TMED3: variants seen among roughly 807,000 people sequenced by gnomAD.
TMED3 encodes the protein transmembrane emp24 domain-containing protein 3.
A neutral mutation model predicts 15.0 loss-of-function variants in TMED3; 9 were observed. The ratio of observed to expected loss-of-function variants is 0.60; its 90% CI spans 0.36 to 1.04. The LOEUF (loss-of-function observed/expected upper bound fraction) is 1.04, where lower values mean the gene tolerates loss of function less well. Ranked by LOEUF, TMED3 falls within the 50% of genes least tolerant of loss-of-function variation. The pLI is 0.01. For synonymous variants in TMED3, 117 were observed against 121.4 expected (o/e 0.96, Z 0.24); for missense variants, 267 against 278.9 (o/e 0.96, Z 0.30).
chr15:79,337,982 C>A (rs978116364), intron 2 of TMED3, among the ~76,000 whole-genome samples: 1 of 152,050 alleles, frequency 6.6e-6, no homozygotes, highest in African/African-American at 2.4e-5. Context: ...TAAAATAGCT[C>A]CCAATAAAGC....
At position 79,378,249 on chromosome 15, in the gene TMED3, A is replaced by G. The variant is rs1429894661; in HGVS notation, c.418-33151A>G. Among the ~76,000 whole-genome samples the G allele has an allele frequency of 2.0e-5, 3 of 152,214 alleles. No homozygotes were observed. In the South Asian group the frequency reaches 6.2e-4, roughly 32 times the overall value. On this transcript the variant is annotated intron_variant, in intron 2 of 2. Coordinates refer to the TMED3 transcript ENST00000424155. ...CAACAGAGATGTATTATAAATATTG[A>G]TAAGTCATTATTGAGTATTGTGTTA...
chr15:79,377,644 CTTT>C (rs71150905), intron 2 of TMED3, among the ~76,000 whole-genome samples: 3,025 of 123,418 alleles, frequency 0.025, 57 homozygotes, highest in African/African-American at 0.089. Flanking sequence ...ACAAACCGTT[CTTT>C]TTTTTTTTTT....
chr15:79,315,473 G>T (rs2058736700), intron 2 of TMED3, among the ~76,000 whole-genome samples: 1 of 152,160 alleles, frequency 6.6e-6, no homozygotes, highest in Non-Finnish European at 1.5e-5. Context: ...TGAGAGTTCT[G>T]TTGGCCACTG....
intron 2 of TMED3, among the ~76,000 whole-genome samples, chr15:79,380,510 T>C (rs930921501): frequency 1.4e-5 from 2 of 147,218 alleles, no homozygotes; most frequent in African/African-American, 2.5e-5. Flanking sequence ...TAGTTATATA[T>C]ATAGTTATAT....
chr15:79,383,361 T>C (rs1893570154), intron 2 of TMED3: 1 of 248,004 alleles, frequency 4.0e-6, no homozygotes, highest in Non-Finnish European at 7.7e-6. Flanking sequence ...TCTGAAAGTT[T>C]GGAAGGTCCC....
intron 2 of TMED3, among the ~76,000 whole-genome samples, chr15:79,337,087 T>G (rs1019400247): frequency 1.3e-5 from 2 of 152,222 alleles, no homozygotes; most frequent in Non-Finnish European, 2.9e-5. Flanking sequence ...AGTTGCAAAG[T>G]GTCATAGTCC....
chr15:79,317,720 C>G (rs1460851890), intron 2 of TMED3, among the ~76,000 whole-genome samples: 1 of 152,184 alleles, frequency 6.6e-6, no homozygotes. Flanking sequence ...CAAGAATGAT[C>G]CACTTTGTTA....
intron 2 of TMED3, among the ~76,000 whole-genome samples, chr15:79,328,294 T>A (rs2058794635): frequency 6.6e-6 from 1 of 152,196 alleles, no homozygotes; most frequent in Non-Finnish European, 1.5e-5. Context: ...CTCGTATCAC[T>A]TGCCTTCGAA....
chr15:79,314,056 C>T lies in TMED3; in HGVS notation c.417+51C>T, dbSNP rs541861215. On this transcript the variant is annotated intron_variant, in intron 2 of 2. Transcript: ENST00000299705. ...CTGCTGAACCCCCTAGCGTGTTCCTCTTCATTGGCCTCTGTCTAGGCTGGT... is the reference window on the plus strand; with the variant it reads ...CTGCTGAACCCCCTAGCGTGTTCCTTTTCATTGGCCTCTGTCTAGGCTGGT... 38 of 1,596,838 alleles carry T rather than the reference C, an allele frequency of 2.4e-5. 1 individual carries two copies. The highest frequency in any genetic ancestry group is 3.5e-4 in the Middle Eastern group (2 of 5,792).
At chr15:79,360,648 G>T (rs1247202895) in intron 2 of TMED3, among the ~76,000 whole-genome samples, 1 of 152,038 alleles carries the variant, frequency 6.6e-6, no homozygotes, top group Non-Finnish European at 1.5e-5. Context: ...GCCTTAAGTG[G>T]ATTATATATG....
intron 2 of TMED3, among the ~76,000 whole-genome samples, chr15:79,402,259 G>C (rs71409229): frequency 0.074 from 11,336 of 152,238 alleles, 572 homozygotes; most frequent in East Asian, 0.13. Context: ...TTATCTGCAG[G>C]CTCCTGTGCC....
intron 2 of TMED3, among the ~76,000 whole-genome samples, chr15:79,370,349 T>C (rs922607478): frequency 4.7e-5 from 7 of 148,760 alleles, no homozygotes; most frequent in African/African-American, 1.7e-4. Context: ...CAGCCCCTGA[T>C]GACTGTAGGT....
chr15:79,355,219 C>T (rs2058914109), intron 2 of TMED3, among the ~76,000 whole-genome samples: 1 of 152,126 alleles, frequency 6.6e-6, no homozygotes, highest in Admixed American at 6.5e-5. Flanking sequence ...GCTGTGACAT[C>T]CAAAAAGCCC....
rs1228361757 is a variant in TMED3, at chr15:79,322,545, G to A, written c.*331G>A. The stretch of plus-strand genomic sequence containing the variant: ...GAACTCCAAGTGCCCAGGCCTCTTG[G>A]GCAGCTTAGGGCCCTGCCTCTGTTT... On this transcript the variant is annotated 3_prime_UTR_variant, in exon 3 of 3. Coordinates refer to ENST00000299705, the MANE Select transcript of TMED3 (RefSeq NM_007364.4). 8.9e-7 allele frequency: 1 copy of A among 1,128,610 alleles called. No individual in the cohort carries two copies. The highest frequency in any genetic ancestry group is 1.1e-6 in the Non-Finnish European group (1 of 920,282). The allele number at this position is 1,128,610 out of a possible 1,614,324, so 69.9% of individuals were successfully genotyped here.
intron 2 of TMED3, among the ~76,000 whole-genome samples, chr15:79,369,610 T>C (rs1158735549): frequency 6.6e-6 from 1 of 152,230 alleles, no homozygotes; most frequent in Non-Finnish European, 1.5e-5. Flanking sequence ...GTTACAATAT[T>C]AGCCAGAATG....
At chr15:79,348,340 T>A (rs2058878885) in intron 2 of TMED3, among the ~76,000 whole-genome samples, 1 of 152,232 alleles carries the variant, frequency 6.6e-6, no homozygotes. Context: ...TAGGAATTTT[T>A]CTTATTGCTA....
At chr15:79,374,080 G>A (rs1893387718) in intron 2 of TMED3, among the ~76,000 whole-genome samples, 1 of 152,120 alleles carries the variant, frequency 6.6e-6, no homozygotes, top group Non-Finnish European at 1.5e-5. Context: ...GGAAAGACCT[G>A]GAAAAAGAAG....
chr15:79,386,892 G>A (rs1380823551), intron 2 of TMED3, among the ~76,000 whole-genome samples: 2 of 150,598 alleles, frequency 1.3e-5, no homozygotes, highest in African/African-American at 2.4e-5. Flanking sequence ...TTTGTTTATG[G>A]CTAACACTTT....
chr15:79,331,147 A>G (rs2058806654), intron 2 of TMED3, among the ~76,000 whole-genome samples: 1 of 152,168 alleles, frequency 6.6e-6, no homozygotes. Flanking sequence ...GAGGTGCTAA[A>G]CCATTCATGA....
Sources: allele counts gnomAD v4.1 joint callset (sites outside exome capture counted in the v4.1 genomes callset), GRCh38; gene constraint gnomAD v4.1.1; transcripts MANE v1.5; gene names NCBI Gene and HGNC (gene_info 2026-07-23, HGNC 2026-07-21).